The following RBFOX1 variants were observed in gnomAD, a reference collection of about 807,000 sequenced individuals.
The protein encoded by RBFOX1 is RNA binding fox-1 homolog 1.
In RBFOX1, 8 loss-of-function variants were observed where a neutral mutation model predicts 57.7. The observed-to-expected ratio is 0.14, with a 90% CI of 0.08 to 0.25. The LOEUF (loss-of-function observed/expected upper bound fraction) is 0.25. RBFOX1 is among the 10% of genes least tolerant of loss of function. RBFOX1 has a pLI of 1.00. For synonymous variants in RBFOX1, 326 were observed against 222.4 expected (o/e 1.47, Z -4.15); for missense variants, 611 against 548.5 (o/e 1.11, Z -1.14).
rs545449601 is a variant in RBFOX1, at chr16:5,286,142, G to A, written c.219+46037G>A. On this transcript the variant is annotated intron_variant, in intron 1 of 2. Coordinates refer to the RBFOX1 transcript ENST00000585867. Reference sequence around the variant, plus strand: ...GGGATGCCAGGAAGTCTTGTCCTTCGGCATCATTGGTAGTGGTGGTGGACC... The same window carrying A: ...GGGATGCCAGGAAGTCTTGTCCTTCAGCATCATTGGTAGTGGTGGTGGACC... Among the ~76,000 whole-genome samples, 4 of 152,070 alleles carry A rather than the reference G, an allele frequency of 2.6e-5. No homozygotes were observed. In the South Asian group the frequency reaches 6.3e-4, roughly 24 times the overall value.
chr16:6,350,583 C>G (rs1322432128), intron 2 of RBFOX1, among the ~76,000 whole-genome samples: 1 of 150,068 alleles, frequency 6.7e-6, no homozygotes. Flanking sequence ...TAAGGTGATG[C>G]CTGAATGCCA....
At chr16:5,562,923 G>A (rs1168406214) in intron 2 of RBFOX1, among the ~76,000 whole-genome samples, 2 of 152,090 alleles carry the variant, frequency 1.3e-5, no homozygotes, top group African/African-American at 4.8e-5. Context: ...ATGAGGTCTT[G>A]GAATCCCAAA....
At chr16:6,680,312 G>T (rs1289049749) in intron 3 of RBFOX1, among the ~76,000 whole-genome samples, 1 of 130,052 alleles carries the variant, frequency 7.7e-6, no homozygotes, top group Non-Finnish European at 1.6e-5. Context: ...GCCCAGGCTG[G>T]AGTGCAGTGG....
intron 4 of RBFOX1, among the ~76,000 whole-genome samples, chr16:7,135,971 A>G (rs1227445533): frequency 6.6e-6 from 1 of 152,248 alleles, no homozygotes; most frequent in East Asian, 1.9e-4. Context: ...TAACAGTTGC[A>G]TTCATTTTTG....
At chr16:7,453,037 G>A (rs1197993432) in intron 4 of RBFOX1, among the ~76,000 whole-genome samples, 2 of 151,066 alleles carry the variant, frequency 1.3e-5, no homozygotes, top group African/African-American at 2.4e-5. Context: ...GCTGAGGCAG[G>A]AGAATCTCTT....
intron 3 of RBFOX1, among the ~76,000 whole-genome samples, chr16:7,029,882 T>C (rs2042345857): frequency 6.6e-6 from 1 of 152,142 alleles, no homozygotes; most frequent in South Asian, 2.1e-4. Flanking sequence ...TCATTGGGAA[T>C]AATGAAGACC....
chr16:6,904,172 G>T (rs1468709825), intron 3 of RBFOX1, among the ~76,000 whole-genome samples: 1 of 152,198 alleles, frequency 6.6e-6, no homozygotes, highest in South Asian at 2.1e-4. Context: ...CTCTGTGTCT[G>T]TGTGTGTATG....
chr16:7,609,823 GT>G (rs1297690912), intron 10 of RBFOX1, among the ~76,000 whole-genome samples: 4 of 151,882 alleles, frequency 2.6e-5, no homozygotes, highest in Non-Finnish European at 4.4e-5. Flanking sequence ...TTGTTTGTTT[GT>G]TTGTTTGTTT....
At chr16:7,709,489 C>A in intron 15 of RBFOX1, 4 of 1,473,530 alleles carry the variant, frequency 2.7e-6, no homozygotes, top group Non-Finnish European at 3.6e-6. Context: ...TGCTCATTCA[C>A]ATAGCCCCAA....
chr16:7,531,659 G>A (rs143412984), intron 5 of RBFOX1, among the ~76,000 whole-genome samples: 38 of 152,230 alleles, frequency 2.5e-4, no homozygotes, highest in Non-Finnish European at 4.3e-4. Context: ...CCACGATTAC[G>A]GATGAGGGAA....
chr16:5,485,496 A>G (rs1289040630), intron 2 of RBFOX1, among the ~76,000 whole-genome samples: 1 of 152,188 alleles, frequency 6.6e-6, no homozygotes, highest in Non-Finnish European at 1.5e-5. Context: ...GTGATTAGTA[A>G]CAGTGAAAAT....
At chr16:5,937,828 TATAC>T (rs2059198191) in intron 4 of RBFOX1, among the ~76,000 whole-genome samples, 2 of 150,722 alleles carry the variant, frequency 1.3e-5, no homozygotes, top group South Asian at 4.2e-4. Context: ...ATGTTCATAG[TATAC>T]ATACATATAT....
At chr16:6,892,938 C>A (rs1188610302) in intron 3 of RBFOX1, among the ~76,000 whole-genome samples, 1 of 152,066 alleles carries the variant, frequency 6.6e-6, no homozygotes, top group Non-Finnish European at 1.5e-5. Flanking sequence ...GCGTGTGTGG[C>A]GCTGGCTCCT....
intron 4 of RBFOX1, among the ~76,000 whole-genome samples, chr16:7,217,634 AG>A (rs2092315826): frequency 6.6e-6 from 1 of 151,960 alleles, no homozygotes; most frequent in Non-Finnish European, 1.5e-5. Context: ...TGGCTTGAAA[AG>A]GAAAAAAAAA....
At chr16:5,708,507 T>TAC (rs2051334758) in intron 3 of RBFOX1, among the ~76,000 whole-genome samples, 4 of 152,028 alleles carry the variant, frequency 2.6e-5, no homozygotes, top group Non-Finnish European at 5.9e-5. Flanking sequence ...TGGATCTGTG[T>TAC]CTTCCATCTC....
At chr16:7,197,453 A>C (rs1403559580) in intron 4 of RBFOX1, among the ~76,000 whole-genome samples, 3 of 151,852 alleles carry the variant, frequency 2.0e-5, no homozygotes, top group Admixed American at 2.0e-4. Flanking sequence ...AAAAAAAAAA[A>C]AAAAAAAAAC....
intron 1 of RBFOX1, among the ~76,000 whole-genome samples, chr16:6,113,663 G>A (rs1448054944): frequency 6.6e-6 from 1 of 152,172 alleles, no homozygotes; most frequent in Non-Finnish European, 1.5e-5. Flanking sequence ...ACACCAGAGG[G>A]GTATGAGGAG....
At chr16:7,066,915 CAG>C in intron 4 of RBFOX1, among the ~76,000 whole-genome samples, 1 of 152,292 alleles carries the variant, frequency 6.6e-6, no homozygotes, top group Admixed American at 6.5e-5. Context: ...TTTCTAAAAA[CAG>C]ATTACTCATG....
intron 4 of RBFOX1, among the ~76,000 whole-genome samples, chr16:7,364,930 A>C (rs199695307): frequency 1.3e-5 from 2 of 152,248 alleles, no homozygotes; most frequent in African/African-American, 4.8e-5. Flanking sequence ...TGTGTCAATT[A>C]GATGCCAAGC....
Sources: gnomAD v4.1 joint callset for allele counts (sites outside exome capture counted in the v4.1 genomes callset) on GRCh38, gnomAD v4.1.1 for gene constraint, MANE v1.5 for transcripts, NCBI Gene and HGNC (gene_info 2026-07-23, HGNC 2026-07-21) for gene names.